The following TBR1 variants were observed in gnomAD, a reference collection of about 807,000 sequenced individuals.
TBR1 encodes the protein T-box brain transcription factor 1, also known as T-box brain protein 1.
TBR1 carries 7 observed loss-of-function variants against 60.3 expected under a neutral mutation model. That is an observed-to-expected ratio of 0.12 (90% CI 0.07 to 0.22). TBR1 has a LOEUF of 0.22. TBR1 is among the 10% of genes least tolerant of loss of function. The probability of loss-of-function intolerance (pLI) is 1.00; values close to 1 mark genes in which losing one functional copy is unlikely to be tolerated. For missense variants in TBR1, 616 were observed against 936.8 expected (o/e 0.66, Z 4.47); for synonymous variants, 417 against 409.9 (o/e 1.02, Z -0.21).
rs1195643832 is a variant in TBR1 at position 161,423,972 on chromosome 2, C to A, written c.1794C>A (p.Pro598=). 1 of 1,549,732 alleles carries A rather than the reference C, an allele frequency of 6.5e-7. No homozygotes were observed. The highest frequency in any genetic ancestry group is 8.7e-7 in the Non-Finnish European group (1 of 1,146,632). The part of the protein sequence containing the change: ...GLAAERSPLP[P]GAAEDAKPKD... ...CCGCCGAGCGCTCGCCGCTGCCGCCCGGCGCCGCCGAGGACGCCAAGCCCA... is the reference window on the plus strand; with the variant it reads ...CCGCCGAGCGCTCGCCGCTGCCGCCAGGCGCCGCCGAGGACGCCAAGCCCA... The change falls in exon 6 of 6, where the codon CCC becomes CCA. Residue 598 remains proline, a synonymous_variant. Transcript: ENST00000389554.
intron 4 of TBR1, chr2:161,419,901 T>A (rs1337664360): frequency 9.8e-6 from 2 of 205,018 alleles, no homozygotes; most frequent in African/African-American, 4.6e-5. Context: ...GCATTGTGTG[T>A]AACAAGCATT....
At chr2:161,423,016 C>T (rs1684256555) in intron 5 of TBR1, 1 of 213,408 alleles carries the variant, frequency 4.7e-6, no homozygotes, top group African/African-American at 2.3e-5. Flanking sequence ...AATGTGCACA[C>T]ATATGTTGGA....
Position 161,418,205 on chromosome 2 carries a change from T to C in TBR1, c.852T>C (p.Asn284=). The C allele has an allele frequency of 6.2e-7, 1 of 1,610,810 alleles. No homozygotes were observed. The highest frequency in any genetic ancestry group is 8.5e-7 in the Non-Finnish European group (1 of 1,179,108). The change falls in exon 3 of 6, where the codon AAT becomes AAC. Residue 284 remains asparagine, a synonymous_variant. Transcript: ENST00000389554. The part of the protein sequence containing the change: ...CGKADTNVQG[N]RVYMHPDSPN... ...ACAATGTATTTCTTTCTCTAGGAAA[T>C]CGGGTCTATATGCATCCGGATTCCC... is the stretch of plus-strand genomic sequence containing the variant.
chr2:161,417,719 C>A lies in TBR1; in HGVS notation c.736C>A (p.Pro246Thr). 2 of 1,614,062 alleles carry A rather than the reference C, an allele frequency of 1.2e-6. No homozygotes were observed. Among genetic ancestry groups the A allele is most frequent in the Non-Finnish European group, 1.7e-6 (2 of 1,180,010 alleles). Residue 246 changes from proline (P) to threonine (T), a missense_variant, in exon 2 of 6, where the codon CCC (proline) becomes ACC (threonine). By Grantham distance (38) the Pro-to-Thr change is conservative. This residue lies in a region of TBR1 where 85 missense variants were observed against 164.9 expected (regional missense o/e 0.52). Coordinates refer to ENST00000389554, the MANE Select transcript of TBR1 (RefSeq NM_006593.4). The surrounding 1 kb of genome is among the most constrained non-coding windows in gnomAD (Gnocchi z 5.3). ...AAGTTTTAACATTTCTGGTCTCGAT[C>A]CCACGGCTCATTACAATATTTTTGT... ...FLSFNISGLD[P>T]TAHYNIFVDV...
chr2:161,418,995 C>A lies in TBR1; in HGVS notation c.1073C>A (p.Thr358Lys), dbSNP rs1367247958. 1 of 1,614,134 alleles carries A rather than the reference C, an allele frequency of 6.2e-7. No homozygotes were observed. Among genetic ancestry groups the A allele is most frequent in the Non-Finnish European group, 8.5e-7 (1 of 1,180,054 alleles). The stretch of plus-strand genomic sequence containing the variant: ...ACTAGCCAGCCCGGCCGCGTGCAGA[C>A]GTTCACTTTCCCTGAGACTCAGTTC... ...EDTSQPGRVQ[T>K]FTFPETQFIA... The change falls in exon 4 of 6, where the codon ACG becomes AAG. Residue 358 changes from threonine to lysine, a missense_variant. Thr to Lys is a moderately conservative substitution (Grantham distance 78). Around this residue, in one of 8 missense-constraint regions of TBR1, gnomAD observed 85 missense variants for 164.9 expected, o/e 0.52. Transcript: ENST00000389554.
intron 5 of TBR1, chr2:161,420,917 A>C (rs550010151): frequency 4.3e-4 from 66 of 152,342 alleles, no homozygotes; most frequent in African/African-American, 1.6e-3. Flanking sequence ...CAAAAGAAAA[A>C]TATTTCCTCT....
At chr2:161,422,651 G>GA (rs1378133953) in intron 5 of TBR1, 1 of 152,212 alleles carries the variant, frequency 6.6e-6, no homozygotes, top group African/African-American at 2.4e-5. Flanking sequence ...TCTGATTGAT[G>GA]ACTACTGTTT....
chr2:161,423,151 G>A lies in TBR1; in HGVS notation c.1191-218G>A, dbSNP rs1684258155. 5 of 430,180 alleles carry A rather than the reference G, an allele frequency of 1.2e-5. No homozygotes were observed. In the East Asian group the frequency reaches 1.8e-4, roughly 15 times the overall value. 26.6% of individuals were successfully genotyped at this position (430,180 alleles called of 1,614,324 possible). ...TGTATCTTGCTCAGGTCCCTGCATA[G>A]ACAGATTGGCTCCTCTATAATTCCG... On this transcript the variant is annotated intron_variant, in intron 5 of 5. Coordinates refer to ENST00000389554, the MANE Select transcript of TBR1 (RefSeq NM_006593.4).
Position 161,423,969 on chromosome 2 carries a change from G to T in TBR1, c.1791G>T (p.Pro597=). ...EGLAAERSPL[P]PGAAEDAKPK... ...TGGCCGCCGAGCGCTCGCCGCTGCC[G>T]CCCGGCGCCGCCGAGGACGCCAAGC... The change falls in exon 6 of 6, where the codon CCG becomes CCT. Residue 597 remains proline, a synonymous_variant. Coordinates refer to ENST00000389554, the MANE Select transcript of TBR1 (RefSeq NM_006593.4). 1 of 1,549,060 alleles carries T rather than the reference G, an allele frequency of 6.5e-7. No homozygotes were observed. Among genetic ancestry groups the T allele is most frequent in the Non-Finnish European group, 8.7e-7 (1 of 1,146,258 alleles).
chr2:161,418,602 A>G, intron 3 of TBR1: 1 of 543,930 alleles, frequency 1.8e-6, no homozygotes, highest in Non-Finnish European at 3.1e-6. Context: ...CAGGTTGTGG[A>G]AATCTTTGTT....
rs770559820 is a variant in TBR1, at chr2:161,423,489, G to C, written c.1311G>C (p.Val437=). The C allele has an allele frequency of 6.2e-7, 1 of 1,605,494 alleles. No individual in the cohort carries two copies. The highest frequency in any genetic ancestry group is 1.1e-5 in the South Asian group (1 of 89,880). The change falls in exon 6 of 6, where the codon GTG becomes GTC. Residue 437 remains valine, a synonymous_variant. Coordinates refer to ENST00000389554, the MANE Select transcript of TBR1 (RefSeq NM_006593.4). ...GCTCTTTCCTGCAGGACCAGTTCGT[G>C]AGCAACTACGCCAAGGCCCGCTTCC... ...MAGSFLQDQF[V]SNYAKARFHP...
Position 161,424,116 on chromosome 2 carries a change from C to A in TBR1, c.1938C>A (p.Pro646=), listed in dbSNP as rs767327232. The A allele has an allele frequency of 3.1e-6, 5 of 1,612,380 alleles. No homozygotes were observed. The highest frequency in any genetic ancestry group is 3.4e-6 in the Non-Finnish European group (4 of 1,179,534). ...KRRRISPADT[P]VSESSSPLKS... is the part of the protein sequence containing the mutation. ...GGCGGATCTCGCCGGCCGACACGCCCGTGTCCGAGAGTTCGTCCCCGCTCA... is the reference window on the plus strand; with the variant it reads ...GGCGGATCTCGCCGGCCGACACGCCAGTGTCCGAGAGTTCGTCCCCGCTCA... Residue 646 remains proline (P), a synonymous_variant, in exon 6 of 6, where the codon CCC becomes CCA. Coordinates refer to ENST00000389554, the MANE Select transcript of TBR1 (RefSeq NM_006593.4). The surrounding 1 kb of genome is among the most constrained non-coding windows in gnomAD (Gnocchi z 4.4).
At chr2:161,420,983 C>A (rs1322867989) in intron 5 of TBR1, 1 of 152,226 alleles carries the variant, frequency 6.6e-6, no homozygotes, top group Non-Finnish European at 1.5e-5. Flanking sequence ...TTTCTTTAGG[C>A]CTCCCTTACC....
intron 4 of TBR1, 129 bp downstream of exon 4, chr2:161,419,179 C>T (rs1684185162): frequency 1.4e-6 from 2 of 1,394,348 alleles, no homozygotes; most frequent in Non-Finnish European, 2.0e-6. Context: ...CTCCGCTGTG[C>T]GTTTTAAGGC....
chr2:161,424,075 GAGC>G lies in TBR1; in HGVS notation c.1900_1902del (p.Gln634del), dbSNP rs747470660. ...CGACTCCAGCGACTCGGGGATTTAC[GAGC>G]AGGCCAAGCGGAGGCGGATCTCGCC... On this transcript the variant is annotated inframe_deletion, in exon 6 of 6. Transcript: ENST00000389554. The surrounding 1 kb of genome is among the most constrained non-coding windows in gnomAD (Gnocchi z 4.4). The G allele has an allele frequency of 6.2e-7, 1 of 1,611,138 alleles. No homozygotes were observed. Among genetic ancestry groups the G allele is most frequent in the South Asian group, 1.1e-5 (1 of 90,304 alleles).
Position 161,423,783 on chromosome 2 carries a change from G to T in TBR1, c.1605G>T (p.Pro535=). 1 of 1,476,156 alleles carries T rather than the reference G, an allele frequency of 6.8e-7. No individual in the cohort carries two copies. The highest frequency in any genetic ancestry group is 1.3e-5 in the South Asian group (1 of 77,108). 91.4% of individuals were successfully genotyped at this position (1,476,156 alleles called of 1,614,324 possible). Reference sequence around the variant, plus strand: ...AGGCTGCAGGCTGCACTGGCCGCCCGCTCGGCTACTACGCCGACCCGTCGG... The same window carrying T: ...AGGCTGCAGGCTGCACTGGCCGCCCTCTCGGCTACTACGCCGACCCGTCGG... ...PLQAAGCTGR[P]LGYYADPSGW... is the part of the protein sequence containing the mutation. The change falls in exon 6 of 6, where the codon CCG becomes CCT. Residue 535 remains proline, a synonymous_variant. Coordinates refer to ENST00000389554, the MANE Select transcript of TBR1 (RefSeq NM_006593.4).
At chr2:161,420,865 G>A (rs1002377428) in intron 5 of TBR1, 3 of 152,190 alleles carry the variant, frequency 2.0e-5, no homozygotes, top group Admixed American at 6.5e-5. Flanking sequence ...TTAGGCTTTC[G>A]GAAAGATTCA....
chr2:161,418,653 G>C (rs1684174763), intron 3 of TBR1: 1 of 578,272 alleles, frequency 1.7e-6, no homozygotes, highest in East Asian at 3.3e-5. Flanking sequence ...CTGAGGATCG[G>C]GCGGTCGGCT....
chr2:161,419,080 C>T lies in TBR1; in HGVS notation c.1128+30C>T, dbSNP rs776104445. On this transcript the variant is annotated intron_variant, in intron 4 of 5. Coordinates refer to ENST00000389554, the MANE Select transcript of TBR1 (RefSeq NM_006593.4). Reference sequence around the variant, plus strand: ...GGAGACCTAGGGGCTGGGGGCGAGGCGGGCGGCACAGACATCTCTCCCACC... The same window carrying T: ...GGAGACCTAGGGGCTGGGGGCGAGGTGGGCGGCACAGACATCTCTCCCACC... 2.5e-6 allele frequency: 4 copies of T among 1,613,236 alleles called. No individual in the cohort carries two copies. The South Asian group carries it at 3.3e-5, about 13-fold the overall frequency.
Sources: gnomAD v4.1 joint callset for allele counts on GRCh38, gnomAD v4.1.1 for gene constraint, gnomAD v4.1.1 regional missense constraint, Gnocchi (gnomAD v3.1) non-coding constraint, MANE v1.5 for transcripts, NCBI Gene and HGNC (gene_info 2026-07-23, HGNC 2026-07-21) for gene names.